Variants in YWHAQ observed in about 807,000 individuals in gnomAD.
The protein encoded by YWHAQ is 14-3-3 protein theta.
A neutral mutation model predicts 28.3 loss-of-function variants in YWHAQ; 6 were observed. That is an observed-to-expected ratio of 0.21 (90% CI 0.12 to 0.42). The LOEUF (loss-of-function observed/expected upper bound fraction) is 0.42. Ranked by LOEUF, YWHAQ falls within the 10% of genes least tolerant of loss-of-function variation. YWHAQ has a pLI of 1.00. For missense variants in YWHAQ, 201 were observed against 305.6 expected (o/e 0.66, Z 2.55); for synonymous variants, 143 against 119.1 (o/e 1.20, Z -1.31).
chr2:9,612,037 C>T (rs552622393), intron 2 of YWHAQ, among the ~76,000 whole-genome samples: 3 of 152,354 alleles, frequency 2.0e-5, no homozygotes, highest in Admixed American at 6.5e-5. Flanking sequence ...CAGCCACCTA[C>T]GTTCATCCAC....
chr2:9,616,808 T>C (rs1399775598), intron 2 of YWHAQ, among the ~76,000 whole-genome samples: 1 of 152,148 alleles, frequency 6.6e-6, no homozygotes, highest in African/African-American at 2.4e-5. Context: ...ATCTGGCAGT[T>C]CCTAAAACAT....
At position 9,630,330 on chromosome 2, in the gene YWHAQ, G is replaced by A. The variant is rs201957113; in HGVS notation, c.123C>T (p.Arg41=). ...TCTTGTAGGCCACGGAGAGCAGGTT[G>A]CGCTCCTCGTTGGACAGCTCGGCGC... ...EQGAELSNEE[R]NLLSVAYKNV... is the part of the protein sequence containing the mutation. Residue 41 remains arginine, a synonymous_variant, in exon 2 of 6, where the codon CGC becomes CGT. Transcript: ENST00000238081. The surrounding 1 kb of genome is among the most constrained non-coding windows in gnomAD (Gnocchi z 5.6). The A allele has an allele frequency of 6.5e-4, 1,047 of 1,614,176 alleles. 14 individuals carry two copies. In the South Asian group the frequency reaches 0.011, roughly 17 times the overall value.
intron 2 of YWHAQ, among the ~76,000 whole-genome samples, chr2:9,623,701 G>A (rs60827919): frequency 0.032 from 4,896 of 152,198 alleles, 277 homozygotes; most frequent in African/African-American, 0.11. Context: ...TGAACCCGGA[G>A]GCAGAGGTTG....
At chr2:9,597,859 G>A (rs62119425) in intron 2 of YWHAQ, among the ~76,000 whole-genome samples, 25,646 of 149,880 alleles carry the variant, frequency 0.17, 3,076 homozygotes, top group African/African-American at 0.34. Context: ...GTGCGATCTC[G>A]CCCAGGCTGG....
chr2:9,618,474 A>T (rs1382813330), intron 2 of YWHAQ, among the ~76,000 whole-genome samples: 2 of 152,158 alleles, frequency 1.3e-5, no homozygotes, highest in Admixed American at 6.5e-5. Context: ...ATGACTTTTC[A>T]ATATATGTGC....
intron 2 of YWHAQ, among the ~76,000 whole-genome samples, chr2:9,609,129 G>A (rs1666894518): frequency 6.6e-6 from 1 of 151,938 alleles, no homozygotes; most frequent in Admixed American, 6.6e-5. Context: ...GGATACATAG[G>A]GTTACTACAG....
At position 9,630,007 on chromosome 2, in the gene YWHAQ, G is replaced by C; in HGVS notation, c.294+152C>G. ...CTTCTTGAGTCTCAACAACCGGAGG[G>C]ACACAGTAGGGAAGTCAGGGCTCAC... On this transcript the variant is annotated intron_variant, in intron 2 of 5. Transcript: ENST00000238081. The surrounding 1 kb of genome is among the most constrained non-coding windows in gnomAD (Gnocchi z 5.6). The C allele has an allele frequency of 2.0e-6, 2 of 977,650 alleles. No homozygotes were observed. The highest frequency in any genetic ancestry group is 2.9e-6 in the Non-Finnish European group (2 of 678,158). 60.6% of individuals were successfully genotyped at this position (977,650 alleles called of 1,614,324 possible).
intron 2 of YWHAQ, among the ~76,000 whole-genome samples, chr2:9,598,799 A>G (rs1666628723): frequency 6.6e-6 from 1 of 152,192 alleles, no homozygotes; most frequent in Admixed American, 6.5e-5. Context: ...CTGAGACACA[A>G]AAATATTAAA....
Position 9,610,057 on chromosome 2 carries a change from A to AT in YWHAQ, c.295-18543dup, listed in dbSNP as rs548316035. ...CTTAATTTTGGAGGACAGTTACATG[A>AT]TTTTTTCCCCCTTAATCTACCAAGT... On this transcript the variant is annotated intron_variant, in intron 2 of 5. Coordinates refer to ENST00000238081, the MANE Select transcript of YWHAQ (RefSeq NM_006826.4). Among the ~76,000 whole-genome samples, 26 of 152,294 alleles carry AT rather than the reference A, an allele frequency of 1.7e-4. No homozygotes were observed. In the South Asian group the frequency reaches 2.9e-3, roughly 17 times the overall value.
chr2:9,616,082 G>A (rs1410415414), intron 2 of YWHAQ, among the ~76,000 whole-genome samples: 1 of 152,166 alleles, frequency 6.6e-6, no homozygotes, highest in Non-Finnish European at 1.5e-5. Context: ...CATTACAGTA[G>A]AGTAATGGAA....
intron 2 of YWHAQ, among the ~76,000 whole-genome samples, chr2:9,595,268 T>G (rs1335476532): frequency 2.0e-5 from 3 of 152,248 alleles, no homozygotes; most frequent in African/African-American, 7.2e-5. Flanking sequence ...AGTCTGTATC[T>G]GTATTATCAA....
In YWHAQ at chr2:9,588,339, C is replaced by G. The variant is rs201265459; in HGVS notation, c.419-11G>C. 4.4e-6 allele frequency: 7 copies of G among 1,600,064 alleles called. No homozygotes were observed. Among genetic ancestry groups the G allele is most frequent in the African/African-American group, 1.4e-5 (1 of 73,578 alleles). ...AATTATCTATCGTTTCTGTGAAGAGCGAAAAATAAGAAGTGCAATATTAAA... is the reference window on the plus strand; with the variant it reads ...AATTATCTATCGTTTCTGTGAAGAGGGAAAAATAAGAAGTGCAATATTAAA... On this transcript the variant is annotated splice_polypyrimidine_tract_variant and intron_variant, in intron 3 of 5. Transcript: ENST00000238081.
chr2:9,600,683 C>T (rs1470143414), intron 2 of YWHAQ, among the ~76,000 whole-genome samples: 1 of 151,392 alleles, frequency 6.6e-6, no homozygotes, highest in East Asian at 1.9e-4. Context: ...CCAGCCTGGG[C>T]AACAAGAGCG....
intron 2 of YWHAQ, among the ~76,000 whole-genome samples, chr2:9,612,446 T>C (rs1341516399): frequency 2.6e-5 from 4 of 152,226 alleles, no homozygotes; most frequent in African/African-American, 9.6e-5. Context: ...TAAAGAGATA[T>C]TGATCCCCTT....
At chr2:9,585,371 T>A in intron 5 of YWHAQ, 26 bp from the exon 6 acceptor site, 1 of 1,613,296 alleles carries the variant, frequency 6.2e-7, no homozygotes, top group Non-Finnish European at 8.5e-7. Flanking sequence ...TCATATTAAG[T>A]TACTATTTCT....
intron 2 of YWHAQ, among the ~76,000 whole-genome samples, chr2:9,625,368 T>C (rs1265833138): frequency 6.6e-6 from 1 of 152,158 alleles, no homozygotes; most frequent in Non-Finnish European, 1.5e-5. Flanking sequence ...ATTACACTAT[T>C]GTGTGTATAA....
chr2:9,617,564 TAA>T (rs796849951), intron 2 of YWHAQ, among the ~76,000 whole-genome samples: 45 of 152,290 alleles, frequency 3.0e-4, no homozygotes, highest in African/African-American at 9.1e-4. Context: ...TGAATGTACT[TAA>T]TACCACTGAA....
chr2:9,602,862 A>T (rs4429446), intron 2 of YWHAQ, among the ~76,000 whole-genome samples: 719 of 19,282 alleles, frequency 0.037, 14 homozygotes, highest in African/African-American at 0.1. Flanking sequence ...AAAAAAAAAA[A>T]ATATATATAT....
intron 2 of YWHAQ, among the ~76,000 whole-genome samples, chr2:9,608,606 C>G (rs1572997952): frequency 6.6e-6 from 1 of 152,178 alleles, no homozygotes; most frequent in African/African-American, 2.4e-5. Context: ...GAGATTCTCA[C>G]AATCTAAGGT....
Sources: gnomAD v4.1 joint callset for allele counts (sites outside exome capture counted in the v4.1 genomes callset) on GRCh38, gnomAD v4.1.1 for gene constraint, Gnocchi (gnomAD v3.1) non-coding constraint, MANE v1.5 for transcripts, NCBI Gene and HGNC (gene_info 2026-07-23, HGNC 2026-07-21) for gene names.